CRISPLD2: variants seen among roughly 807,000 people sequenced by gnomAD.
The protein encoded by CRISPLD2 is cysteine rich secretory protein LCCL domain containing 2.
A neutral mutation model predicts 71.1 loss-of-function variants in CRISPLD2; 47 were observed. That is an observed-to-expected ratio of 0.66 (90% CI 0.52 to 0.84). The LOEUF is 0.84. CRISPLD2 is among the 40% of genes least tolerant of loss of function. The pLI, the probability that CRISPLD2 is intolerant of heterozygous loss-of-function variation, is 0.00. For missense variants in CRISPLD2, 830 were observed against 651.1 expected (o/e 1.27, Z -2.99); for synonymous variants, 317 against 250.1 (o/e 1.27, Z -2.52).
chr16:84,853,698 C>T (rs545725579), intron 5 of CRISPLD2, among the ~76,000 whole-genome samples: 9 of 152,358 alleles, frequency 5.9e-5, no homozygotes, highest in East Asian at 3.9e-4. Flanking sequence ...AGCATCAGAG[C>T]GTTCCCCGCA....
intron 5 of CRISPLD2, 93 bp downstream of exon 5, chr16:84,850,776 T>C: frequency 1.1e-6 from 1 of 882,918 alleles, no homozygotes; most frequent in Non-Finnish European, 1.9e-6. Flanking sequence ...AGCAGCGAAG[T>C]CTTTAATATC....
At chr16:84,826,677 C>T (rs1320890806) in intron 1 of CRISPLD2, among the ~76,000 whole-genome samples, 6 of 152,244 alleles carry the variant, frequency 3.9e-5, no homozygotes, top group African/African-American at 1.4e-4. Flanking sequence ...GTATTTTCAG[C>T]TGGGCCTTGG....
intron 5 of CRISPLD2, among the ~76,000 whole-genome samples, chr16:84,850,936 C>CT (rs1480976036): frequency 4.4e-5 from 1 of 22,912 alleles, no homozygotes; most frequent in East Asian, 4.4e-3. Flanking sequence ...CATCACATCT[C>CT]CCCAAGCACA....
In CRISPLD2 at chr16:84,867,047, C is replaced by G. The variant is rs926170038; in HGVS notation, c.853+7C>G. 3 of 1,610,888 alleles carry G rather than the reference C, an allele frequency of 1.9e-6. No individual in the cohort carries two copies. The highest frequency in any genetic ancestry group is 1.3e-5 in the African/African-American group (1 of 74,842). Reference sequence around the variant, plus strand: ...TCTGCGGTCAACTACATGAGTGAGTCTAGGCCGTCCTCCGCCCCTCCTGCC... The same window carrying G: ...TCTGCGGTCAACTACATGAGTGAGTGTAGGCCGTCCTCCGCCCCTCCTGCC... On this transcript the variant is annotated splice_region_variant and intron_variant, in intron 7 of 14. Transcript: ENST00000262424.
At chr16:84,843,094 T>C (rs888797155) in intron 2 of CRISPLD2, among the ~76,000 whole-genome samples, 1 of 152,100 alleles carries the variant, frequency 6.6e-6, no homozygotes, top group African/African-American at 2.4e-5. Flanking sequence ...TGTTTTCCTG[T>C]TTGTTTACTT....
intron 11 of CRISPLD2, among the ~76,000 whole-genome samples, chr16:84,874,920 A>G (rs1337624810): frequency 2.0e-5 from 3 of 152,202 alleles, no homozygotes; most frequent in East Asian, 3.8e-4. Flanking sequence ...GTTACATACA[A>G]TTTGGTAACC....
chr16:84,863,273 A>G (rs1004342742), intron 6 of CRISPLD2: 11 of 152,192 alleles, frequency 7.2e-5, no homozygotes, highest in African/African-American at 2.2e-4. Flanking sequence ...CTCCACCAAC[A>G]TAGCTTCATG....
At chr16:84,821,078 C>G (rs1234344938) in intron 1 of CRISPLD2, among the ~76,000 whole-genome samples, 1 of 152,212 alleles carries the variant, frequency 6.6e-6, no homozygotes, top group South Asian at 2.1e-4. Flanking sequence ...AGAAGCATCC[C>G]GTGCAAATGC....
At chr16:84,890,225 G>T (rs1319342167) in intron 14 of CRISPLD2, among the ~76,000 whole-genome samples, 2 of 152,188 alleles carry the variant, frequency 1.3e-5, no homozygotes, top group Non-Finnish European at 2.9e-5. Flanking sequence ...CAGGCGTGGT[G>T]GCACACGCCT....
chr16:84,824,437 C>T (rs111813885), intron 1 of CRISPLD2, among the ~76,000 whole-genome samples: 25 of 152,320 alleles, frequency 1.6e-4, no homozygotes, highest in South Asian at 6.2e-4. Flanking sequence ...TGACTGAGCA[C>T]GGGCACAGAT....
rs2071638224 is a variant in CRISPLD2, at chr16:84,889,099, T to G, written c.1306-131T>G. On this transcript the variant is annotated intron_variant, in intron 13 of 14. Coordinates refer to ENST00000262424, the MANE Select transcript of CRISPLD2 (RefSeq NM_031476.4). ...CCCAAGGCATCAAGGTAGTGATGAT[T>G]ATTTCCTAAGGGTTGATGGGGTCCA... is the stretch of plus-strand genomic sequence containing the variant. 6 of 1,076,190 alleles carry G rather than the reference T, an allele frequency of 5.6e-6. No homozygotes were observed. In the South Asian group the frequency reaches 8.4e-5, roughly 15 times the overall value. The allele number at this position is 1,076,190 out of a possible 1,614,324, so 66.7% of individuals were successfully genotyped here.
intron 14 of CRISPLD2, among the ~76,000 whole-genome samples, chr16:84,894,296 G>A (rs527613390): frequency 1.3e-5 from 2 of 152,238 alleles, no homozygotes; most frequent in Admixed American, 6.5e-5. Context: ...CTGGGTGAAT[G>A]TCAGTTCAGA....
Position 84,888,724 on chromosome 16 carries a change from T to C in CRISPLD2, c.1306-506T>C, listed in dbSNP as rs116287394. Among the ~76,000 whole-genome samples the C allele has an allele frequency of 3.1e-3, 465 of 152,328 alleles. 1 individual carries two copies. The highest frequency in any genetic ancestry group is 0.011 in the African/African-American group (452 of 41,584). The stretch of plus-strand genomic sequence containing the variant: ...CACCCCAGGGCATTTGCACGAGCCT[T>C]TCCCTCTGCCTGGGATGCTCTGTGC... On this transcript the variant is annotated intron_variant, in intron 13 of 14. Coordinates refer to ENST00000262424, the MANE Select transcript of CRISPLD2 (RefSeq NM_031476.4).
intron 14 of CRISPLD2, among the ~76,000 whole-genome samples, chr16:84,905,796 G>A (rs766832462): frequency 8.9e-5 from 13 of 145,336 alleles, no homozygotes; most frequent in East Asian, 4.1e-4. Flanking sequence ...TGCATCCTCC[G>A]CCTCCCAGGT....
intron 1 of CRISPLD2, among the ~76,000 whole-genome samples, chr16:84,828,078 A>G (rs746651928): frequency 2.6e-5 from 4 of 152,092 alleles, no homozygotes; most frequent in Admixed American, 2.6e-4. Context: ...TGCAGATCCC[A>G]AGGACTCCTG....
At chr16:84,896,382 A>G (rs1293673322) in intron 14 of CRISPLD2, among the ~76,000 whole-genome samples, 4 of 152,084 alleles carry the variant, frequency 2.6e-5, no homozygotes, top group Non-Finnish European at 4.4e-5. Context: ...AAGACTATAT[A>G]TAGAGAGAGA....
intron 8 of CRISPLD2, among the ~76,000 whole-genome samples, chr16:84,872,127 T>C (rs546996375): frequency 7.9e-5 from 12 of 152,272 alleles, no homozygotes; most frequent in Admixed American, 2.6e-4. Context: ...TTTTAAAGCA[T>C]ATGGGAAAAG....
chr16:84,861,355 G>A (rs771316967), intron 6 of CRISPLD2, among the ~76,000 whole-genome samples: 37 of 152,230 alleles, frequency 2.4e-4, no homozygotes, highest in Non-Finnish European at 4.9e-4. Flanking sequence ...TTATTAAGGA[G>A]TGTTAAACTC....
At chr16:84,903,674 A>T (rs890781065) in intron 14 of CRISPLD2, among the ~76,000 whole-genome samples, 3 of 151,752 alleles carry the variant, frequency 2.0e-5, no homozygotes, top group African/African-American at 7.3e-5. Context: ...AGGGATGGAG[A>T]CTCGCGTCTG....
Sources: gnomAD v4.1 joint callset for allele counts (sites outside exome capture counted in the v4.1 genomes callset) on GRCh38, gnomAD v4.1.1 for gene constraint, MANE v1.5 for transcripts, NCBI Gene and HGNC (gene_info 2026-07-23, HGNC 2026-07-21) for gene names.